Variants in CDKL3 observed in about 807,000 individuals in gnomAD.
CDKL3 encodes the protein cyclin dependent kinase like 3, also known as cyclin-dependent kinase-like 3.
CDKL3 carries 65 observed loss-of-function variants against 69.3 expected under a neutral mutation model. That is an observed-to-expected ratio of 0.94 (90% CI 0.77 to 1.15). CDKL3 has a LOEUF of 1.15. CDKL3 is among the 50% of genes most tolerant of loss of function. The pLI is 0.00. For missense variants in CDKL3, 652 were observed against 689.2 expected (o/e 0.95, Z 0.61); for synonymous variants, 202 against 221.6 (o/e 0.91, Z 0.79).
At chr5:134,297,990 A>C (rs1181254153), downstream of CDKL3, among the ~76,000 whole-genome samples, 1 of 146,730 alleles carries the variant, frequency 6.8e-6, no homozygotes, top group Non-Finnish European at 1.5e-5. Flanking sequence ...CTGGAGTGCA[A>C]TGGCATGATC....
At chr5:134,336,145 T>G (rs1177955250) in intron 4 of CDKL3, among the ~76,000 whole-genome samples, 1 of 152,166 alleles carries the variant, frequency 6.6e-6, no homozygotes, top group Non-Finnish European at 1.5e-5. Flanking sequence ...CTTCATGAAG[T>G]TTTTCGTACT....
chr5:134,346,697 T>C (rs144715678), intron 4 of CDKL3, among the ~76,000 whole-genome samples: 2,702 of 152,184 alleles, frequency 0.018, 95 homozygotes, highest in African/African-American at 0.062. Flanking sequence ...GGTTTCTCCA[T>C]GTTGGTCAGG....
intron 12 of CDKL3, among the ~76,000 whole-genome samples, chr5:134,298,934 C>T (rs984039637): frequency 6.6e-5 from 10 of 152,046 alleles, no homozygotes; most frequent in Non-Finnish European, 1.5e-4. Flanking sequence ...AGTGCAGTGG[C>T]GTGATCTCGG....
chr5:134,334,409 T>C (rs1227419643), intron 4 of CDKL3, among the ~76,000 whole-genome samples: 1 of 152,206 alleles, frequency 6.6e-6, no homozygotes, highest in Admixed American at 6.5e-5. Context: ...GATGTTAGGG[T>C]GTCAATTTTA....
chr5:134,300,476 A>G (rs1766045661), intron 12 of CDKL3, among the ~76,000 whole-genome samples: 3 of 152,212 alleles, frequency 2.0e-5, no homozygotes, highest in African/African-American at 7.2e-5. Flanking sequence ...TATGTTTTTA[A>G]AAATATGTCA....
chr5:134,320,223 T>C (rs1772349092), intron 5 of CDKL3, among the ~76,000 whole-genome samples: 1 of 152,164 alleles, frequency 6.6e-6, no homozygotes, highest in Admixed American at 6.5e-5. Context: ...TTTTTAGAAT[T>C]GTTCATAGTA....
chr5:134,287,649 G>T (rs1764929375), intron 8 of CDKL3, among the ~76,000 whole-genome samples: 1 of 152,170 alleles, frequency 6.6e-6, no homozygotes, highest in Admixed American at 6.6e-5. Flanking sequence ...TGGCTATGGA[G>T]AACCAAATAG....
intron 7 of CDKL3, 144 bp from the exon 8 acceptor site, chr5:134,308,871 CCAA>C (rs1481189231): frequency 2.6e-5 from 18 of 701,964 alleles, no homozygotes; most frequent in Non-Finnish European, 3.6e-5. Flanking sequence ...AAGAGATGGC[CCAA>C]CATTTACCTA....
chr5:134,289,442 G>A (rs544134357), intron 8 of CDKL3, among the ~76,000 whole-genome samples: 10 of 152,250 alleles, frequency 6.6e-5, no homozygotes, highest in Admixed American at 6.5e-4. Context: ...ATAATGAGTA[G>A]CCACAAAGAA....
At chr5:134,362,982 T>A (rs529995943) in intron 2 of CDKL3, among the ~76,000 whole-genome samples, 1 of 152,272 alleles carries the variant, frequency 6.6e-6, no homozygotes, top group East Asian at 1.9e-4. Flanking sequence ...TTAGGGTATC[T>A]CAAAATTATC....
intron 2 of CDKL3, 94 bp downstream of exon 2, chr5:134,366,261 TATGA>T (rs1319274009): frequency 1.3e-6 from 1 of 772,712 alleles, no homozygotes; most frequent in Admixed American, 3.3e-5. Flanking sequence ...TTCTCCATAA[TATGA>T]ATCAGTACGT....
rs369545652 is a variant in CDKL3 at position 134,298,693 on chromosome 5, G to T, written c.1737C>A (p.Cys579Ter). The T allele has an allele frequency of 8.1e-6, 13 of 1,612,018 alleles. No individual in the cohort carries two copies. In the East Asian group the frequency reaches 1.8e-4, roughly 22 times the overall value. Residue 579 changes from cysteine to a stop codon, truncating the protein, a stop_gained, in exon 13 of 13, where the codon TGC (cysteine) becomes TGA (stop). Coordinates refer to ENST00000265334, the MANE Select transcript of CDKL3 (RefSeq NM_001113575.2). LOFTEE classifies it high-confidence loss of function. ...QEKQEGGDGH[C>*]EGKNLKRNRF... is the part of the protein sequence containing the mutation. ...TGTTTCTCTTCAAATTCTTCCCCTC[G>T]CAATGGCCATCTCCACCCTAAAATT... is the stretch of plus-strand genomic sequence containing the variant.
chr5:134,363,264 C>T (rs1266472469), intron 2 of CDKL3, among the ~76,000 whole-genome samples: 4 of 152,038 alleles, frequency 2.6e-5, no homozygotes. Flanking sequence ...TTTACTGACT[C>T]ACTTTTCATT....
intron 4 of CDKL3, among the ~76,000 whole-genome samples, chr5:134,349,337 A>AT (rs1374738599): frequency 2.6e-5 from 4 of 152,156 alleles, no homozygotes; most frequent in Non-Finnish European, 5.9e-5. Flanking sequence ...AAGATTGATT[A>AT]TTTATATTTT....
intron 10 of CDKL3, among the ~76,000 whole-genome samples, chr5:134,305,324 G>A (rs891412694): frequency 6.6e-6 from 1 of 151,982 alleles, no homozygotes; most frequent in Non-Finnish European, 1.5e-5. Flanking sequence ...ATGTCGCCCA[G>A]GCTGATCTCA....
intron 8 of CDKL3, among the ~76,000 whole-genome samples, chr5:134,289,181 A>T (rs1765012112): frequency 6.6e-6 from 1 of 150,840 alleles, no homozygotes; most frequent in African/African-American, 2.4e-5. Flanking sequence ...AAAAAAAAAA[A>T]AAAGGAAAGA....
intron 7 of CDKL3, among the ~76,000 whole-genome samples, chr5:134,310,083 G>A (rs760595937): frequency 4.6e-4 from 70 of 152,236 alleles, no homozygotes; most frequent in African/African-American, 1.5e-3. Flanking sequence ...CGCCTGCTTC[G>A]GCCTTCCAAA....
chr5:134,346,307 C>A (rs758757104), intron 4 of CDKL3, among the ~76,000 whole-genome samples: 11 of 152,210 alleles, frequency 7.2e-5, no homozygotes, highest in Non-Finnish European at 1.6e-4. Flanking sequence ...TGTTTCTCTA[C>A]ACCTATCCAC....
chr5:134,294,291 T>A (rs1765251147), downstream of CDKL3, among the ~76,000 whole-genome samples: 1 of 152,038 alleles, frequency 6.6e-6, no homozygotes, highest in Non-Finnish European at 1.5e-5. Context: ...AGAAAGGGCA[T>A]TCGACAAAAT....
Sources: allele counts gnomAD v4.1 joint callset (sites outside exome capture counted in the v4.1 genomes callset), GRCh38; gene constraint gnomAD v4.1.1; transcripts MANE v1.5; gene names NCBI Gene and HGNC (gene_info 2026-07-23, HGNC 2026-07-21).